Variants in DDAH1 observed in about 807,000 individuals in gnomAD.
The protein encoded by DDAH1 is N(G),N(G)-dimethylarginine dimethylaminohydrolase 1.
A neutral mutation model predicts 28.8 loss-of-function variants in DDAH1; 19 were observed. The observed-to-expected ratio is 0.66, with a 90% CI of 0.46 to 0.97. The LOEUF is 0.97. DDAH1 is among the 50% of genes least tolerant of loss of function. DDAH1 has a pLI of 0.00. For synonymous variants in DDAH1, 153 were observed against 154.4 expected (o/e 0.99, Z 0.07); for missense variants, 326 against 375.9 (o/e 0.87, Z 1.10).
chr1:85,567,769 C>G (rs1282936814), intron 1 of DDAH1, among the ~76,000 whole-genome samples: 3 of 152,102 alleles, frequency 2.0e-5, no homozygotes, highest in African/African-American at 7.2e-5. Context: ...TAGACATATT[C>G]ATAATTGTAG....
At chr1:85,438,909 A>G (rs1465650738) in intron 1 of DDAH1, among the ~76,000 whole-genome samples, 1 of 152,198 alleles carries the variant, frequency 6.6e-6, no homozygotes, top group East Asian at 1.9e-4. Flanking sequence ...GCTTTATAAC[A>G]GGATGGTAAT....
intron 1 of DDAH1, among the ~76,000 whole-genome samples, chr1:85,372,156 C>T (rs543451909): frequency 2.8e-4 from 42 of 152,198 alleles, no homozygotes; most frequent in African/African-American, 8.9e-4. Flanking sequence ...TGAAGCATGG[C>T]AAATGATTTT....
chr1:85,371,990 C>CG (rs1650408001), intron 1 of DDAH1, among the ~76,000 whole-genome samples: 2 of 150,350 alleles, frequency 1.3e-5, no homozygotes, highest in Admixed American at 6.6e-5. Flanking sequence ...GGGATGATTT[C>CG]TGGGGGGGAA....
At chr1:85,357,793 G>A (rs900145173) in intron 2 of DDAH1, among the ~76,000 whole-genome samples, 4 of 152,168 alleles carry the variant, frequency 2.6e-5, no homozygotes, top group African/African-American at 9.7e-5. Flanking sequence ...TGAATTTGGG[G>A]ACCCAGATTT....
intron 1 of DDAH1, among the ~76,000 whole-genome samples, chr1:85,551,675 A>G (rs1183952738): frequency 3.3e-5 from 5 of 152,248 alleles, no homozygotes; most frequent in Non-Finnish European, 1.5e-5. Context: ...AACATGAAAT[A>G]CACATGATGC....
chr1:85,370,140 AGGAT>A (rs1218006724), intron 1 of DDAH1, among the ~76,000 whole-genome samples: 1 of 152,222 alleles, frequency 6.6e-6, no homozygotes, highest in Non-Finnish European at 1.5e-5. Flanking sequence ...TGAGGTCATT[AGGAT>A]GGGCCCTAAT....
chr1:85,345,203 G>C (rs955318110), intron 4 of DDAH1, among the ~76,000 whole-genome samples: 2 of 151,876 alleles, frequency 1.3e-5, no homozygotes, highest in African/African-American at 4.8e-5. Context: ...TTTATTCTTT[G>C]GGGGGGTTGG....
At chr1:85,516,565 G>C (rs1490748020) in intron 1 of DDAH1, among the ~76,000 whole-genome samples, 1 of 150,528 alleles carries the variant, frequency 6.6e-6, no homozygotes, top group Non-Finnish European at 1.5e-5. Flanking sequence ...CTTTTTTCTG[G>C]ACAAGTAGCC....
chr1:85,379,287 C>T (rs563660866), intron 1 of DDAH1, among the ~76,000 whole-genome samples: 2 of 152,294 alleles, frequency 1.3e-5, no homozygotes, highest in African/African-American at 2.4e-5. Context: ...GGGAGCAGTG[C>T]TCTTTCCATC....
At chr1:85,458,569 C>T (rs61164145) in intron 1 of DDAH1, among the ~76,000 whole-genome samples, 2,527 of 151,868 alleles carry the variant, frequency 0.017, 63 homozygotes, top group East Asian at 0.11. Context: ...GCTGGGACTA[C>T]AGACACCACA....
At chr1:85,428,710 T>C (rs1381621420) in intron 1 of DDAH1, among the ~76,000 whole-genome samples, 1 of 152,022 alleles carries the variant, frequency 6.6e-6, no homozygotes, top group African/African-American at 2.4e-5. Flanking sequence ...CCAGACAACA[T>C]AAATAGCCAG....
rs529482217 is a variant in DDAH1 at position 85,403,727 on chromosome 1, T to C, written c.304-44880A>G. ...TAGTCTATTCTCAGTTGGAGAAAGA[T>C]CTATTTTCCCCCAAAACTGAATTAT... On this transcript the variant is annotated intron_variant, in intron 1 of 5. Transcript: ENST00000284031. 3.0e-4 allele frequency among the ~76,000 whole-genome samples: 46 copies of C among 152,330 alleles called. 1 individual carries two copies. In the South Asian group the frequency reaches 8.5e-3, roughly 28 times the overall value.
chr1:85,457,626 A>G (rs1477328546), intron 1 of DDAH1, among the ~76,000 whole-genome samples: 1 of 152,224 alleles, frequency 6.6e-6, no homozygotes, highest in African/African-American at 2.4e-5. Context: ...CATGGCACTC[A>G]TAATTAATGC....
intron 1 of DDAH1, among the ~76,000 whole-genome samples, chr1:85,508,964 A>G (rs898536575): frequency 6.6e-6 from 1 of 152,242 alleles, no homozygotes; most frequent in Non-Finnish European, 1.5e-5. Flanking sequence ...TGAAGAGAGC[A>G]GTGGTGCTCC....
At chr1:85,402,213 GC>G (rs11335286) in intron 1 of DDAH1, among the ~76,000 whole-genome samples, 120,564 of 148,262 alleles carry the variant, frequency 0.81, 49,238 homozygotes, top group Middle Eastern at 0.9. Flanking sequence ...CGTAGCCCAG[GC>G]TTATCTTGAA....
chr1:85,457,126 G>C (rs1193842724), intron 1 of DDAH1, among the ~76,000 whole-genome samples: 1 of 152,158 alleles, frequency 6.6e-6, no homozygotes, highest in Non-Finnish European at 1.5e-5. Flanking sequence ...TGTTTCTTTT[G>C]GTGAACTTGG....
At chr1:85,506,617 T>G (rs1657027669) in intron 1 of DDAH1, among the ~76,000 whole-genome samples, 2 of 152,194 alleles carry the variant, frequency 1.3e-5, no homozygotes, top group African/African-American at 4.8e-5. Context: ...CATTTGAGTT[T>G]GTGACCTAGG....
At chr1:85,384,889 A>C (rs911016468) in intron 1 of DDAH1, among the ~76,000 whole-genome samples, 9 of 152,170 alleles carry the variant, frequency 5.9e-5, no homozygotes, top group African/African-American at 2.2e-4. Context: ...GTGTGATAAA[A>C]CTTCTTTAGG....
At chr1:85,472,461 A>G (rs917753834) in intron 2 of DDAH1, among the ~76,000 whole-genome samples, 1 of 148,886 alleles carries the variant, frequency 6.7e-6, no homozygotes, top group African/African-American at 2.6e-5. Context: ...CTTTTCTCTT[A>G]TTAATCTTCC....
Sources: gnomAD v4.1 joint callset for allele counts (sites outside exome capture counted in the v4.1 genomes callset) on GRCh38, gnomAD v4.1.1 for gene constraint, MANE v1.5 for transcripts, NCBI Gene and HGNC (gene_info 2026-07-23, HGNC 2026-07-21) for gene names.